The following DSCAM variants were observed in gnomAD, a reference collection of about 807,000 sequenced individuals.
DSCAM encodes the protein cell adhesion molecule DSCAM.
DSCAM carries 47 observed loss-of-function variants against 217.7 expected under a neutral mutation model. The observed-to-expected ratio is 0.22, with a 90% confidence interval of 0.17 to 0.28. DSCAM has a LOEUF of 0.28. Ranked by LOEUF, DSCAM falls within the 10% of genes least tolerant of loss-of-function variation. DSCAM has a pLI of 1.00. For missense variants in DSCAM, 2,080 were observed against 2,618.3 expected (o/e 0.79, Z 4.49); for synonymous variants, 1,056 against 1,015.3 (o/e 1.04, Z -0.76).
At chr21:40,187,760 C>T (rs1006396577) in intron 13 of DSCAM, 131 bp downstream of exon 13, 16 of 832,054 alleles carry the variant, frequency 1.9e-5, no homozygotes, top group Non-Finnish European at 2.6e-5. Flanking sequence ...TGACATTATA[C>T]ATATTCAAAA....
At chr21:40,624,498 GA>G (rs1256192577) in intron 3 of DSCAM, among the ~76,000 whole-genome samples, 3 of 152,174 alleles carry the variant, frequency 2.0e-5, no homozygotes, top group African/African-American at 7.2e-5. Context: ...TAGGAAAACA[GA>G]GCAGCCTCAT....
At chr21:40,472,660 G>A (rs2075898393) in intron 3 of DSCAM, among the ~76,000 whole-genome samples, 1 of 152,152 alleles carries the variant, frequency 6.6e-6, no homozygotes, top group African/African-American at 2.4e-5. Flanking sequence ...ATGGACAGTC[G>A]ATTTGGTTTG....
intron 32 of DSCAM, among the ~76,000 whole-genome samples, chr21:40,026,814 G>GGGTCTCCTGAAT (rs2088395675): frequency 1.4e-5 from 1 of 73,280 alleles, no homozygotes; most frequent in Admixed American, 1.5e-4. Flanking sequence ...GATGGGTCTT[G>GGGTCTCCTGAAT]ACTCTTTCTT....
chr21:40,519,576 G>C (rs1447717588), intron 3 of DSCAM, among the ~76,000 whole-genome samples: 3 of 152,142 alleles, frequency 2.0e-5, no homozygotes, highest in African/African-American at 7.2e-5. Context: ...GGATGTGCTG[G>C]TGCCTTATTC....
chr21:40,354,848 CAAAA>C (rs11314417), intron 4 of DSCAM, among the ~76,000 whole-genome samples: 2 of 112,390 alleles, frequency 1.8e-5, no homozygotes, highest in Non-Finnish European at 3.5e-5. Context: ...AACTCTGTCT[CAAAA>C]AAAAAAAAAA....
intron 1 of DSCAM, among the ~76,000 whole-genome samples, chr21:40,732,857 A>T (rs942260489): frequency 6.6e-6 from 1 of 152,194 alleles, no homozygotes; most frequent in African/African-American, 2.4e-5. Flanking sequence ...CACGGATATG[A>T]TGATCACTTG....
At chr21:40,210,765 G>A (rs1367504232) in intron 11 of DSCAM, among the ~76,000 whole-genome samples, 1 of 152,112 alleles carries the variant, frequency 6.6e-6, no homozygotes, top group Admixed American at 6.5e-5. Context: ...GGCTGGTCTC[G>A]AACTCCTGAC....
chr21:40,717,731 G>A (rs1307619864), intron 1 of DSCAM, among the ~76,000 whole-genome samples: 2 of 152,194 alleles, frequency 1.3e-5, no homozygotes, highest in Non-Finnish European at 2.9e-5. Context: ...TGTGGTGAAG[G>A]CACCTTATCT....
intron 3 of DSCAM, among the ~76,000 whole-genome samples, chr21:40,484,104 C>T (rs1392431491): frequency 3.3e-5 from 5 of 152,208 alleles, no homozygotes; most frequent in African/African-American, 1.2e-4. Context: ...CCCACCCAAA[C>T]TCATCTAATC....
At chr21:40,086,879 G>A (rs1318264837) in intron 22 of DSCAM, among the ~76,000 whole-genome samples, 1 of 152,174 alleles carries the variant, frequency 6.6e-6, no homozygotes, top group African/African-American at 2.4e-5. Context: ...ACCTGAGAGG[G>A]TGCAGCAAAC....
At chr21:40,592,560 C>T (rs9976207) in intron 3 of DSCAM, among the ~76,000 whole-genome samples, 67,553 of 151,980 alleles carry the variant, frequency 0.44, 15,608 homozygotes, top group Admixed American at 0.52. Context: ...CCGAAACACC[C>T]CTTCTTCCTG....
intron 16 of DSCAM, among the ~76,000 whole-genome samples, chr21:40,155,408 G>C (rs2090465530): frequency 6.6e-6 from 1 of 152,178 alleles, no homozygotes; most frequent in Non-Finnish European, 1.5e-5. Context: ...TGAACCCAAA[G>C]GGCTTTGGCC....
chr21:40,679,636 T>C (rs1244631945), intron 3 of DSCAM, among the ~76,000 whole-genome samples: 1 of 152,256 alleles, frequency 6.6e-6, no homozygotes, highest in African/African-American at 2.4e-5. Context: ...AAATACATAC[T>C]CTGATTTAGC....
At chr21:40,159,028 T>C (rs2090509564) in intron 16 of DSCAM, among the ~76,000 whole-genome samples, 1 of 152,226 alleles carries the variant, frequency 6.6e-6, no homozygotes, top group South Asian at 2.1e-4. Flanking sequence ...TGTTTTTCTG[T>C]CTTGCTTCAT....
intron 1 of DSCAM, among the ~76,000 whole-genome samples, chr21:40,764,805 A>C (rs1478491502): frequency 1.3e-5 from 2 of 152,172 alleles, no homozygotes; most frequent in Admixed American, 1.3e-4. Context: ...TTGCAAGGTC[A>C]TGGATGAAGC....
intron 3 of DSCAM, among the ~76,000 whole-genome samples, chr21:40,647,516 C>CA (rs11448124): frequency 0.38 from 57,866 of 151,924 alleles, 11,823 homozygotes; most frequent in East Asian, 0.6. Context: ...ATGGACCACT[C>CA]GAAATTCCAT....
chr21:40,453,783 C>T (rs2075741342), intron 3 of DSCAM, among the ~76,000 whole-genome samples: 1 of 152,224 alleles, frequency 6.6e-6, no homozygotes, highest in Non-Finnish European at 1.5e-5. Context: ...AGTCCCTGCC[C>T]TCCTGTAAAA....
At chr21:40,022,352 TCTGG>T (rs1452531493) in intron 32 of DSCAM, among the ~76,000 whole-genome samples, 2 of 152,230 alleles carry the variant, frequency 1.3e-5, no homozygotes, top group East Asian at 3.8e-4. Context: ...CGAAGAATGA[TCTGG>T]CTTCAAATAC....
intron 1 of DSCAM, among the ~76,000 whole-genome samples, chr21:40,791,124 T>C (rs1309363283): frequency 2.0e-5 from 3 of 147,584 alleles, no homozygotes; most frequent in African/African-American, 7.5e-5. Context: ...GCAGAGGTAC[T>C]CCAGACTGGG....
Sources: allele counts gnomAD v4.1 joint callset (sites outside exome capture counted in the v4.1 genomes callset), GRCh38; gene constraint gnomAD v4.1.1; transcripts MANE v1.5; gene names NCBI Gene and HGNC (gene_info 2026-07-23, HGNC 2026-07-21).